Variants in CNTNAP2 observed in about 807,000 individuals in gnomAD.
CNTNAP2 encodes contactin-associated protein-like 2.
Under a neutral mutation model 155.2 loss-of-function variants are expected in CNTNAP2, and 98 were observed. That is an observed-to-expected ratio of 0.63 (90% CI 0.54 to 0.75). CNTNAP2 has a LOEUF of 0.75. Ranked by LOEUF, CNTNAP2 falls within the 30% of genes least tolerant of loss-of-function variation. The pLI is 0.00. For missense variants in CNTNAP2, 1,727 were observed against 1,688.1 expected, an observed-to-expected ratio of 1.02 and a Z score of -0.40; for synonymous variants, 651 against 631.2, an observed-to-expected ratio of 1.03 and a Z score of -0.47.
chr7:148,139,153 C>T (rs913051749), intron 16 of CNTNAP2, among the ~76,000 whole-genome samples: 1 of 152,058 alleles, frequency 6.6e-6, no homozygotes, highest in East Asian at 1.9e-4. Flanking sequence ...AAAATGAGTT[C>T]GTAACATTGA....
chr7:147,337,817 T>A (rs571812077), intron 9 of CNTNAP2, among the ~76,000 whole-genome samples: 1 of 152,276 alleles, frequency 6.6e-6, no homozygotes, highest in African/African-American at 2.4e-5. Flanking sequence ...CTCCAATTAG[T>A]ATCCATTTTG....
chr7:147,024,413 T>A (rs1267434570), intron 3 of CNTNAP2, among the ~76,000 whole-genome samples: 10 of 152,212 alleles, frequency 6.6e-5, no homozygotes, highest in African/African-American at 2.4e-4. Flanking sequence ...TTTCTGGCTT[T>A]CATGATTGTA....
At position 146,439,141 on chromosome 7, in the gene CNTNAP2, T is replaced by G. The variant is rs186890339; in HGVS notation, c.97+322168T>G. ...ATACATCTGTTCTCTTTTTTAAAAC[T>G]GGAGAGCACATTTCTCCCCAGAGAA... On this transcript the variant is annotated intron_variant, in intron 1 of 23. Coordinates refer to ENST00000361727, the MANE Select transcript of CNTNAP2 (RefSeq NM_014141.6). Among the ~76,000 whole-genome samples the G allele has an allele frequency of 3.3e-3, 502 of 151,714 alleles. 2 individuals are homozygous for G. Among genetic ancestry groups the G allele is most frequent in the Non-Finnish European group, 5.4e-3 (369 of 68,010 alleles).
intron 13 of CNTNAP2, among the ~76,000 whole-genome samples, chr7:147,699,467 G>A (rs1796206362): frequency 6.6e-6 from 1 of 151,952 alleles, no homozygotes; most frequent in Non-Finnish European, 1.5e-5. Context: ...GGGGGCAAGG[G>A]GAGAGATAGC....
chr7:146,353,362 C>T (rs1287997121), intron 1 of CNTNAP2, among the ~76,000 whole-genome samples: 5 of 152,134 alleles, frequency 3.3e-5, no homozygotes, highest in Non-Finnish European at 7.4e-5. Flanking sequence ...TTTCCTTTTA[C>T]ATTATGGATC....
intron 11 of CNTNAP2, 130 bp downstream of exon 11, chr7:147,486,171 C>A: frequency 1.2e-5 from 8 of 655,620 alleles, no homozygotes; most frequent in South Asian, 4.1e-5. Context: ...ACCAAGATTC[C>A]AATTGTCATT....
At chr7:147,718,097 T>C (rs1288975230) in intron 13 of CNTNAP2, among the ~76,000 whole-genome samples, 2 of 152,146 alleles carry the variant, frequency 1.3e-5, no homozygotes, top group Non-Finnish European at 2.9e-5. Context: ...GTATCTGATG[T>C]ATGAATGTTA....
intron 1 of CNTNAP2, among the ~76,000 whole-genome samples, chr7:146,184,046 GT>G (rs1798588608): frequency 1.3e-5 from 2 of 152,052 alleles, no homozygotes; most frequent in African/African-American, 4.8e-5. Context: ...TACCTATTTT[GT>G]TTTCCCTTTC....
intron 2 of CNTNAP2, among the ~76,000 whole-genome samples, chr7:146,819,498 T>C (rs999191157): frequency 2.6e-5 from 4 of 152,174 alleles, no homozygotes; most frequent in Non-Finnish European, 5.9e-5. Context: ...CTTTTTCCTC[T>C]AAATAGTTAT....
In CNTNAP2 at chr7:148,262,895, G is replaced by A. The variant is rs141478373; in HGVS notation, c.3382-4138G>A. 3.1e-3 allele frequency among the ~76,000 whole-genome samples: 478 copies of A among 152,228 alleles called. 3 individuals are homozygous for A. The highest frequency in any genetic ancestry group is 0.011 in the African/African-American group (464 of 41,530). Reference sequence around the variant, plus strand: ...GATGCTGCTGTTCTGAATTATGTTCGGCAGGGGGACAGCACCACCTGGTGG... The same window carrying A: ...GATGCTGCTGTTCTGAATTATGTTCAGCAGGGGGACAGCACCACCTGGTGG... On this transcript the variant is annotated intron_variant, in intron 20 of 23. Coordinates refer to ENST00000361727, the MANE Select transcript of CNTNAP2 (RefSeq NM_014141.6).
At chr7:148,204,244 G>T (rs1465147766) in intron 18 of CNTNAP2, among the ~76,000 whole-genome samples, 1 of 152,202 alleles carries the variant, frequency 6.6e-6, no homozygotes, top group African/African-American at 2.4e-5. Context: ...CTTGAGGACG[G>T]TTTGTGTTGA....
chr7:147,832,324 TTATC>T (rs1303613705), intron 13 of CNTNAP2, among the ~76,000 whole-genome samples: 2 of 146,428 alleles, frequency 1.4e-5, no homozygotes, highest in South Asian at 2.1e-4. Context: ...TATAGATCCA[TTATC>T]TATATTTATA....
At chr7:147,984,161 A>C (rs1801578418) in intron 15 of CNTNAP2, among the ~76,000 whole-genome samples, 1 of 152,172 alleles carries the variant, frequency 6.6e-6, no homozygotes, top group Non-Finnish European at 1.5e-5. Context: ...GAAGTATGGC[A>C]GTGAGGACAA....
At chr7:146,842,014 C>G (rs529208539) in intron 3 of CNTNAP2, among the ~76,000 whole-genome samples, 17 of 150,836 alleles carry the variant, frequency 1.1e-4, no homozygotes, top group African/African-American at 3.9e-4. Context: ...TCCCGAGTAG[C>G]TGGGATTGCA....
At chr7:147,862,763 A>T (rs1799158247) in intron 13 of CNTNAP2, among the ~76,000 whole-genome samples, 1 of 152,274 alleles carries the variant, frequency 6.6e-6, no homozygotes, top group Middle Eastern at 3.4e-3. Context: ...ATGTCTTATT[A>T]CTGTCATTTG....
In CNTNAP2 at chr7:146,667,543, C is replaced by A. The variant is rs1800218740; in HGVS notation, c.98-106728C>A. ...TGTATTTTTATAGAGAAGGCATTCA[C>A]TCCACAGATTCTTTTCGATAGTATG... On this transcript the variant is annotated intron_variant, in intron 1 of 23. Coordinates refer to ENST00000361727, the MANE Select transcript of CNTNAP2 (RefSeq NM_014141.6). Among the ~76,000 whole-genome samples, 4 of 151,666 alleles carry A rather than the reference C, an allele frequency of 2.6e-5. No individual in the cohort carries two copies. In the South Asian group the frequency reaches 8.4e-4, roughly 32 times the overall value.
chr7:146,896,489 T>A (rs1007506510), intron 3 of CNTNAP2, among the ~76,000 whole-genome samples: 1 of 152,118 alleles, frequency 6.6e-6, no homozygotes, highest in Non-Finnish European at 1.5e-5. Context: ...AACTATTTTT[T>A]AAATATTTCT....
chr7:147,624,265 T>C (rs1794927721), intron 12 of CNTNAP2, among the ~76,000 whole-genome samples: 1 of 151,782 alleles, frequency 6.6e-6, no homozygotes, highest in East Asian at 1.9e-4. Flanking sequence ...TGTGATCAGC[T>C]CAAGTTAAAA....
At chr7:147,530,203 T>TTTTTTG (rs1799406990) in intron 11 of CNTNAP2, among the ~76,000 whole-genome samples, 1 of 151,240 alleles carries the variant, frequency 6.6e-6, no homozygotes, top group African/African-American at 2.4e-5. Context: ...TTTTTTTTTT[T>TTTTTTG]GAGACAGAGT....
Sources: allele counts gnomAD v4.1 joint callset (sites outside exome capture counted in the v4.1 genomes callset), GRCh38; gene constraint gnomAD v4.1.1; transcripts MANE v1.5; gene names NCBI Gene and HGNC (gene_info 2026-07-23, HGNC 2026-07-21).